ERAP1: variants seen among roughly 807,000 people sequenced by gnomAD.
The protein encoded by ERAP1 is endoplasmic reticulum aminopeptidase 1.
ERAP1 carries 86 observed loss-of-function variants against 103.7 expected under a neutral mutation model. The ratio of observed to expected loss-of-function variants is 0.83; its 90% CI spans 0.70 to 0.99. The LOEUF (loss-of-function observed/expected upper bound fraction) is 0.99. Among genes scored for constraint, ERAP1 ranks in the 50% least tolerant of loss-of-function variants. The probability of loss-of-function intolerance (pLI) is 0.00; values close to 1 mark genes in which losing one functional copy is unlikely to be tolerated. For missense variants in ERAP1, 1,009 were observed against 1,128.4 expected, an observed-to-expected ratio of 0.89 and a Z score of 1.52; for synonymous variants, 398 against 402.4, an observed-to-expected ratio of 0.99 and a Z score of 0.13.
At chr5:96,815,407 G>GTTTTTTTTTTTTTTT in the ERAP1 span, among the ~76,000 whole-genome samples, 2 of 105,458 alleles carry the variant, frequency 1.9e-5, no homozygotes, top group Non-Finnish European at 4.1e-5. Context: ...TGTTTGTTTT[G>GTTTTTTTTTTTTTTT]TTTTTTATTT....
At position 96,788,651 on chromosome 5, in the gene ERAP1, A is replaced by G; in HGVS notation, c.1559T>C (p.Met520Thr). ...CTTCTGCAGTGTCCAAGTGTTCATC[A>G]TGGTTTTCACATCCACCCCTTCCTG... ...WHQEGVDVKT[M>T]MNTWTLQKGF... The change falls in exon 11 of 19, where the codon ATG becomes ACG. Residue 520 changes from methionine (M) to threonine (T), a missense_variant. By Grantham distance (81) the Met-to-Thr change is moderately conservative. Transcript: ENST00000443439. 1.2e-6 allele frequency: 2 copies of G among 1,614,188 alleles called. No individual in the cohort carries two copies. Among genetic ancestry groups the G allele is most frequent in the Non-Finnish European group, 1.7e-6 (2 of 1,180,034 alleles).
At chr5:96,922,707 C>T in the ERAP1 span, among the ~76,000 whole-genome samples, 1 of 152,208 alleles carries the variant, frequency 6.6e-6, no homozygotes, top group Admixed American at 6.5e-5. Flanking sequence ...ACTTCACTCA[C>T]ACTCAGAGAC....
chr5:96,887,098 T>TACAC, the ERAP1 span, among the ~76,000 whole-genome samples: 1 of 99,718 alleles, frequency 1.0e-5, no homozygotes, highest in East Asian at 3.0e-4. Flanking sequence ...TATATATATA[T>TACAC]ATACACACAC....
At chr5:96,885,732 C>T in the ERAP1 span, among the ~76,000 whole-genome samples, 5 of 144,980 alleles carry the variant, frequency 3.4e-5, no homozygotes, top group Non-Finnish European at 6.3e-5. Flanking sequence ...GGAGTTGTGA[C>T]TAGCTTGAAG....
chr5:96,848,248 A>C, the ERAP1 span, among the ~76,000 whole-genome samples: 1 of 152,048 alleles, frequency 6.6e-6, no homozygotes, highest in African/African-American at 2.4e-5. Context: ...ATGGGATTTC[A>C]CCATGTTGGC....
At chr5:96,900,248 G>T in the ERAP1 span, 1 of 1,606,514 alleles carries the variant, frequency 6.2e-7, no homozygotes. Flanking sequence ...GACCTAGAGT[G>T]AGTATGACAT....
the ERAP1 span, among the ~76,000 whole-genome samples, chr5:96,883,281 C>G: frequency 6.6e-6 from 1 of 152,172 alleles, no homozygotes; most frequent in Non-Finnish European, 1.5e-5. Flanking sequence ...TCCTGCTTCC[C>G]TCACTCCCTT....
chr5:96,902,466 G>A, the ERAP1 span: 2 of 650,632 alleles, frequency 3.1e-6, no homozygotes, highest in Non-Finnish European at 5.3e-6. Flanking sequence ...TTATATTTGA[G>A]GGAAGTTGTC....
At chr5:96,776,653 C>A in intron 18 of ERAP1, 102 bp from the exon 19 acceptor site, 2 of 1,518,752 alleles carry the variant, frequency 1.3e-6, no homozygotes, top group East Asian at 2.4e-5. Context: ...TGTCAAAATT[C>A]TATATAGAAG....
At chr5:96,851,583 T>C in the ERAP1 span, among the ~76,000 whole-genome samples, 3 of 152,134 alleles carry the variant, frequency 2.0e-5, no homozygotes, top group East Asian at 5.8e-4. Context: ...TTCTATAGGT[T>C]TGCACCCAAA....
At chr5:96,876,948 CTGTT>C in the ERAP1 span, among the ~76,000 whole-genome samples, 1 of 152,024 alleles carries the variant, frequency 6.6e-6, no homozygotes, top group African/African-American at 2.4e-5. Flanking sequence ...GTTCCTTCAT[CTGTT>C]TATTTAATTT....
chr5:96,881,800 A>G, the ERAP1 span, among the ~76,000 whole-genome samples: 3 of 152,206 alleles, frequency 2.0e-5, no homozygotes, highest in Non-Finnish European at 2.9e-5. Flanking sequence ...GCAAAAAGAA[A>G]CATTCCACTT....
intron 10 of ERAP1, 117 bp from the exon 11 acceptor site, chr5:96,788,802 G>A (rs779307750): frequency 1.6e-6 from 2 of 1,244,472 alleles, no homozygotes; most frequent in Non-Finnish European, 2.3e-6. Context: ...CCTCTTAGGA[G>A]CACTTTCTGA....
the ERAP1 span, among the ~76,000 whole-genome samples, chr5:96,933,952 G>A: frequency 2.6e-5 from 4 of 152,184 alleles, no homozygotes; most frequent in Non-Finnish European, 1.5e-5. Flanking sequence ...ACACATTAGG[G>A]AGATAGCAGC....
the ERAP1 span, among the ~76,000 whole-genome samples, chr5:96,893,078 A>T: frequency 0.55 from 83,448 of 151,962 alleles, 22,941 homozygotes; most frequent in Admixed American, 0.6. Flanking sequence ...AATGATGATG[A>T]CAACGGCCAC....
the ERAP1 span, among the ~76,000 whole-genome samples, chr5:96,893,440 C>A: frequency 1.3e-5 from 2 of 152,174 alleles, no homozygotes; most frequent in African/African-American, 4.8e-5. Context: ...CACTGTGCTT[C>A]GAGAACACAT....
chr5:96,780,889 C>T (rs2150900394), intron 17 of ERAP1, among the ~76,000 whole-genome samples, 169 bp downstream of exon 17: 1 of 152,356 alleles, frequency 6.6e-6, no homozygotes, highest in East Asian at 1.9e-4. Flanking sequence ...CACTAGTTAG[C>T]ACTGAAGTCC....
intron 1 of ERAP1, chr5:96,804,328 A>G: frequency 3.1e-6 from 1 of 321,110 alleles, no homozygotes; most frequent in Non-Finnish European, 5.9e-6. Context: ...AACCAGGCTC[A>G]TGAAAGAAGC....
At chr5:96,773,074 T>C (rs922317037), downstream of ERAP1, 1 of 153,918 alleles carries the variant, frequency 6.5e-6, no homozygotes, top group Admixed American at 6.5e-5. Flanking sequence ...TCTGATTTCT[T>C]ATTACCCCCT....
Sources: gnomAD v4.1 joint callset for allele counts (sites outside exome capture counted in the v4.1 genomes callset) on GRCh38, gnomAD v4.1.1 for gene constraint, MANE v1.5 for transcripts, NCBI Gene and HGNC (gene_info 2026-07-23, HGNC 2026-07-21) for gene names.